L3MBTL4: variants seen among roughly 807,000 people sequenced by gnomAD.
The protein encoded by L3MBTL4 is L3MBTL histone methyl-lysine binding protein 4, also known as lethal(3)malignant brain tumor-like protein 4.
In L3MBTL4, 70 loss-of-function variants were observed where a neutral mutation model predicts 84.5. The ratio of observed to expected loss-of-function variants is 0.83; its 90% CI spans 0.68 to 1.01. L3MBTL4 has a LOEUF of 1.01. Ranked by LOEUF, L3MBTL4 falls within the 50% of genes least tolerant of loss-of-function variation. The pLI is 0.00. For missense variants in L3MBTL4, 715 were observed against 754.8 expected (o/e 0.95, Z 0.62); for synonymous variants, 274 against 259.8 (o/e 1.05, Z -0.52).
chr18:6,118,011 C>T (rs1006087383), intron 14 of L3MBTL4, among the ~76,000 whole-genome samples: 6 of 152,136 alleles, frequency 3.9e-5, no homozygotes, highest in Non-Finnish European at 5.9e-5. Context: ...TCAGGCCACA[C>T]TCCCAACCTC....
chr18:6,027,792 G>A (rs1303556163), intron 16 of L3MBTL4, among the ~76,000 whole-genome samples: 2 of 152,334 alleles, frequency 1.3e-5, no homozygotes, highest in East Asian at 3.9e-4. Context: ...GACCAGTGAT[G>A]ATAAGCTTTT....
chr18:6,018,676 G>A (rs541804608), intron 16 of L3MBTL4, among the ~76,000 whole-genome samples: 20 of 152,296 alleles, frequency 1.3e-4, no homozygotes, highest in African/African-American at 4.8e-4. Flanking sequence ...TGTTCTTCTT[G>A]TAAACAAATG....
chr18:6,245,442 A>G (rs2047620664), intron 5 of L3MBTL4, among the ~76,000 whole-genome samples: 1 of 152,068 alleles, frequency 6.6e-6, no homozygotes, highest in South Asian at 2.1e-4. Context: ...TCAGTCTGTG[A>G]CTTGGCTCTT....
chr18:6,143,582 A>T (rs1291646627), intron 13 of L3MBTL4, among the ~76,000 whole-genome samples: 1 of 152,184 alleles, frequency 6.6e-6, no homozygotes, highest in Admixed American at 6.5e-5. Context: ...AAATAATCGT[A>T]TTTTTGCCAA....
chr18:6,295,608 T>A (rs1036647449), intron 4 of L3MBTL4, among the ~76,000 whole-genome samples: 7 of 152,074 alleles, frequency 4.6e-5, no homozygotes, highest in African/African-American at 1.7e-4. Flanking sequence ...AAAGAAATTA[T>A]TTGAACATAC....
At chr18:6,016,870 G>C (rs2055007911) in intron 16 of L3MBTL4, among the ~76,000 whole-genome samples, 1 of 152,230 alleles carries the variant, frequency 6.6e-6, no homozygotes, top group African/African-American at 2.4e-5. Context: ...GGGTGCAGCA[G>C]GCAGAGAAAA....
intron 3 of L3MBTL4, among the ~76,000 whole-genome samples, chr18:6,308,487 T>C (rs56215592): frequency 0.19 from 28,775 of 152,130 alleles, 2,853 homozygotes; most frequent in African/African-American, 0.23. Context: ...GATATATGAA[T>C]AAGAACATTG....
At chr18:5,992,092 A>T (rs1363342797) in intron 16 of L3MBTL4, among the ~76,000 whole-genome samples, 1 of 152,174 alleles carries the variant, frequency 6.6e-6, no homozygotes, top group Non-Finnish European at 1.5e-5. Context: ...TTTTACCCTC[A>T]TGAACTCATG....
chr18:6,384,873 G>T (rs2054750474), intron 1 of L3MBTL4, among the ~76,000 whole-genome samples: 1 of 152,172 alleles, frequency 6.6e-6, no homozygotes, highest in Non-Finnish European at 1.5e-5. Context: ...AGAGCAAGAG[G>T]TATGCCATGT....
chr18:6,071,689 GAA>G (rs2057614786), intron 16 of L3MBTL4, among the ~76,000 whole-genome samples: 1 of 87,402 alleles, frequency 1.1e-5, no homozygotes, highest in Non-Finnish European at 2.0e-5. Context: ...AAGAGAGAAA[GAA>G]AGAAAGAAAG....
At chr18:6,279,075 G>C (rs1298911565) in intron 4 of L3MBTL4, among the ~76,000 whole-genome samples, 1 of 152,078 alleles carries the variant, frequency 6.6e-6, no homozygotes, top group Non-Finnish European at 1.5e-5. Flanking sequence ...TTCACTTTCA[G>C]CATAGAGTTG....
intron 14 of L3MBTL4, among the ~76,000 whole-genome samples, chr18:6,123,605 C>A (rs1433337634): frequency 6.6e-6 from 1 of 152,192 alleles, no homozygotes; most frequent in African/African-American, 2.4e-5. Context: ...GTCCATTAAA[C>A]CTCCTTTTCT....
chr18:6,146,189 G>A (rs960631934), intron 13 of L3MBTL4, among the ~76,000 whole-genome samples: 1 of 152,216 alleles, frequency 6.6e-6, no homozygotes, highest in South Asian at 2.1e-4. Context: ...AGAGGGGATC[G>A]GTGAGAACAC....
intron 15 of L3MBTL4, among the ~76,000 whole-genome samples, chr18:6,093,032 G>A (rs1306574560): frequency 1.3e-5 from 2 of 152,112 alleles, no homozygotes; most frequent in Non-Finnish European, 2.9e-5. Flanking sequence ...TCTATGAAAC[G>A]ATTCAAAAGA....
chr18:6,305,685 A>G (rs559574656), intron 3 of L3MBTL4, among the ~76,000 whole-genome samples: 2 of 152,350 alleles, frequency 1.3e-5, no homozygotes, highest in South Asian at 4.1e-4. Flanking sequence ...AGTCTTTGCT[A>G]TGGTACATTT....
intron 1 of L3MBTL4, among the ~76,000 whole-genome samples, chr18:6,322,445 A>AGAAGGAAGGAGG (rs1311916705): frequency 1.6e-5 from 2 of 123,060 alleles, no homozygotes; most frequent in Non-Finnish European, 3.6e-5. Flanking sequence ...GAGGAAGGAA[A>AGAAGGAAGGAGG]GAAGGAAGGA....
intron 4 of L3MBTL4, among the ~76,000 whole-genome samples, chr18:6,275,633 C>T (rs1302208757): frequency 1.3e-5 from 2 of 152,142 alleles, no homozygotes; most frequent in Non-Finnish European, 2.9e-5. Flanking sequence ...CATGTGGAAA[C>T]ATGCACTAAA....
intron 1 of L3MBTL4, among the ~76,000 whole-genome samples, chr18:6,340,735 C>A (rs1331952377): frequency 1.3e-5 from 2 of 152,088 alleles, no homozygotes; most frequent in Non-Finnish European, 2.9e-5. Flanking sequence ...ACACCACTGG[C>A]ACATCATACT....
chr18:6,252,232 G>A (rs1462715387), intron 5 of L3MBTL4, among the ~76,000 whole-genome samples: 1 of 152,168 alleles, frequency 6.6e-6, no homozygotes, highest in Admixed American at 6.5e-5. Context: ...AGAATTGCTT[G>A]AACCTGGGAG....
Sources: allele counts gnomAD v4.1 joint callset (sites outside exome capture counted in the v4.1 genomes callset), GRCh38; gene constraint gnomAD v4.1.1; transcripts MANE v1.5; gene names NCBI Gene and HGNC (gene_info 2026-07-23, HGNC 2026-07-21).